BTBD8: variants seen among roughly 807,000 people sequenced by gnomAD.
BTBD8 encodes BTB/POZ domain-containing protein 8.
A neutral mutation model predicts 162.9 loss-of-function variants in BTBD8; 110 were observed. The ratio of observed to expected loss-of-function variants is 0.68; its 90% CI spans 0.58 to 0.79. The LOEUF (loss-of-function observed/expected upper bound fraction) is 0.79. BTBD8 is among the 30% of genes least tolerant of loss of function. BTBD8 has a pLI of 0.00. For missense variants in BTBD8, 1,905 were observed against 2,085.4 expected (o/e 0.91, Z 1.68); for synonymous variants, 667 against 716.1 (o/e 0.93, Z 1.10).
chr1:92,167,820 CTTAAATATTAA>C lies in BTBD8; in HGVS notation c.1306-25_1306-15del. On this transcript the variant is annotated splice_polypyrimidine_tract_variant and intron_variant, in intron 10 of 17. Transcript: ENST00000636805. ...TCTTGTGCATTTTATATGTATTCCT[CTTAAATATTAA>C]TTTCTGTGTTTTATAGTCACAAGCA... 2 of 1,532,722 alleles carry C rather than the reference CTTAAATATTAA, an allele frequency of 1.3e-6. No individual in the cohort carries two copies. Among genetic ancestry groups the C allele is most frequent in the South Asian group, 2.4e-5 (2 of 82,102 alleles). The allele number at this position is 1,532,722 out of a possible 1,614,324, so 94.9% of individuals were successfully genotyped here.
chr1:92,121,267 G>C (rs774726476), intron 4 of BTBD8, among the ~76,000 whole-genome samples: 34 of 151,916 alleles, frequency 2.2e-4, no homozygotes, highest in Non-Finnish European at 3.7e-4. Context: ...ATTCTATTTC[G>C]TGCTGAATTC....
At position 92,080,500 on chromosome 1, in the gene BTBD8, C is replaced by T; in HGVS notation, c.-72C>T. 1.9e-6 allele frequency: 3 copies of T among 1,578,126 alleles called. No individual in the cohort carries two copies. The highest frequency in any genetic ancestry group is 2.6e-6 in the Non-Finnish European group (3 of 1,168,034). ...GAGCCGAGCGTTCGGTCGGAAACGC[C>T]CCCTTCTTCCTCCTGGGCGGGGCAA... On this transcript the variant is annotated 5_prime_UTR_variant, in exon 1 of 18. Transcript: ENST00000636805.
chr1:92,108,612 G>A (rs1324867512), intron 4 of BTBD8, among the ~76,000 whole-genome samples: 3 of 152,282 alleles, frequency 2.0e-5, no homozygotes, highest in African/African-American at 4.8e-5. Context: ...AATTAAAGCC[G>A]GTTGCCTGTT....
At chr1:92,170,687 C>A (rs1348214152) in intron 12 of BTBD8, among the ~76,000 whole-genome samples, 1 of 151,980 alleles carries the variant, frequency 6.6e-6, no homozygotes, top group Non-Finnish European at 1.5e-5. Context: ...ATCCCAGTAA[C>A]CTTCAAAAGA....
In BTBD8 at chr1:92,095,974, C is replaced by CTT. The variant is rs535512186; in HGVS notation, c.348-6487_348-6486dup. Among the ~76,000 whole-genome samples the CTT allele has an allele frequency of 2.2e-3, 328 of 146,826 alleles. 1 individual carries two copies. The highest frequency in any genetic ancestry group is 6.9e-3 in the African/African-American group (279 of 40,174). ...GGTCCTGGTAGAGTTAATCTTACTA[C>CTT]TTTTTTTTTTTTTCTGAGACAGAGG... On this transcript the variant is annotated intron_variant, in intron 2 of 17. Transcript: ENST00000636805.
In BTBD8 at chr1:92,129,710, G is replaced by A; in HGVS notation, c.686G>A (p.Ser229Asn). ...AGGGCCATTTTGAGTGCCAGATCTA[G>A]TTATTTTGCTGCAATGCTGAGTGGC... is the stretch of plus-strand genomic sequence containing the variant. Reference protein sequence around the residue: ...AHRAILSARSSYFAAMLSGCW... With the variant: ...AHRAILSARSNYFAAMLSGCW... Residue 229 changes from serine to asparagine, a missense_variant, in exon 5 of 18, where the codon AGT becomes AAT. Coordinates refer to ENST00000636805, the MANE Select transcript of BTBD8 (RefSeq NM_001376131.1). 1 of 1,614,060 alleles carries A rather than the reference G, an allele frequency of 6.2e-7. No homozygotes were observed. Among genetic ancestry groups the A allele is most frequent in the Non-Finnish European group, 8.5e-7 (1 of 1,179,998 alleles).
chr1:92,148,247 T>G (rs1456291641), intron 9 of BTBD8, among the ~76,000 whole-genome samples: 1 of 152,218 alleles, frequency 6.6e-6, no homozygotes, highest in African/African-American at 2.4e-5. Flanking sequence ...CTCTGGATAG[T>G]GATTTGCCTC....
At chr1:92,102,819 A>G in intron 3 of BTBD8, 150 bp downstream of exon 3, 1 of 624,254 alleles carries the variant, frequency 1.6e-6, no homozygotes, top group Non-Finnish European at 2.4e-6. Flanking sequence ...GTTAACTCCC[A>G]GTTTTTCCCA....
chr1:92,141,900 A>G (rs1649781976), intron 7 of BTBD8, among the ~76,000 whole-genome samples: 1 of 152,194 alleles, frequency 6.6e-6, no homozygotes, highest in Admixed American at 6.5e-5. Context: ...TTTTTACATC[A>G]TATTTCTCTC....
intron 9 of BTBD8, among the ~76,000 whole-genome samples, chr1:92,163,337 AG>A (rs1238823144): frequency 2.5e-4 from 5 of 19,962 alleles, no homozygotes; most frequent in African/African-American, 7.9e-4. Context: ...CCTGGGCAAC[AG>A]AGAGAGATTC....
In BTBD8 at chr1:92,165,505, T is replaced by TAA. The variant is rs772757478; in HGVS notation, c.1123-1440_1123-1439dup. On this transcript the variant is annotated intron_variant, in intron 9 of 17. Transcript: ENST00000636805. ...AGGGAAGATGTAGTGCTTCTGGACC[T>TAA]AAAAAAAAAAAAAACAGAGGCTGTG... Among the ~76,000 whole-genome samples the TAA allele has an allele frequency of 2.3e-3, 318 of 139,604 alleles. 2 individuals are homozygous for TAA. The highest frequency in any genetic ancestry group is 7.0e-3 in the African/African-American group (272 of 38,640). 91.6% of individuals were successfully genotyped at this position (139,604 alleles called of 152,430 possible).
intron 7 of BTBD8, among the ~76,000 whole-genome samples, chr1:92,144,644 C>T (rs1649864982): frequency 6.6e-6 from 1 of 151,546 alleles, no homozygotes; most frequent in Non-Finnish European, 1.5e-5. Flanking sequence ...CCTGTCTCTA[C>T]AAAAAATTTA....
chr1:92,184,080 C>T lies in BTBD8; in HGVS notation c.5129C>T (p.Ser1710Leu). 1 of 1,551,642 alleles carries T rather than the reference C, an allele frequency of 6.4e-7. No homozygotes were observed. Among genetic ancestry groups the T allele is most frequent in the Non-Finnish European group, 8.7e-7 (1 of 1,146,878 alleles). ...LLKQLLSEQD[S>L]NLDVTNSVPE... ...AAGCAACTGCTCTCTGAACAGGATT[C>T]AAACTTAGATGTTACAAATTCCGTT... is the stretch of plus-strand genomic sequence containing the variant. Residue 1710 changes from serine to leucine, a missense_variant, in exon 18 of 18, where the codon TCA becomes TTA. Physicochemically the swap from Ser to Leu is moderately radical, Grantham distance 145. Transcript: ENST00000636805.
At chr1:92,126,349 A>T (rs1649359567) in intron 4 of BTBD8, 1 of 613,148 alleles carries the variant, frequency 1.6e-6, no homozygotes, top group Non-Finnish European at 3.1e-6. Context: ...GTGGTTGTAC[A>T]TGGCCCCTTG....
Position 92,129,722 on chromosome 1 carries a change from C to T in BTBD8, c.698C>T (p.Ala233Val), listed in dbSNP as rs558715717. The T allele has an allele frequency of 6.2e-7, 1 of 1,614,092 alleles. No homozygotes were observed. The highest frequency in any genetic ancestry group is 1.1e-5 in the South Asian group (1 of 91,076). The change falls in exon 5 of 18, where the codon GCA (alanine) becomes GTA (valine). Residue 233 changes from alanine (A) to valine (V), a missense_variant. Ala to Val is a moderately conservative substitution (Grantham distance 64). This residue lies in a region of BTBD8 where 1,374 missense variants were observed against 1,442.7 expected (regional missense o/e 0.95). Coordinates refer to ENST00000636805, the MANE Select transcript of BTBD8 (RefSeq NM_001376131.1). ...ILSARSSYFAAMLSGCWAESS... is the reference protein window; with the variant it reads ...ILSARSSYFAVMLSGCWAESS... ...AGTGCCAGATCTAGTTATTTTGCTG[C>T]AATGCTGAGTGGCTGTTGGGCTGAA...
In BTBD8 at chr1:92,180,611, TAAC is replaced by T. The variant is rs764350466; in HGVS notation, c.2934_2936del (p.Asn978del). 147 of 1,551,072 alleles carry T rather than the reference TAAC, an allele frequency of 9.5e-5. 1 individual carries two copies. In the South Asian group the frequency reaches 1.0e-3, roughly 11 times the overall value. On this transcript the variant is annotated inframe_deletion, in exon 17 of 18. Coordinates refer to ENST00000636805, the MANE Select transcript of BTBD8 (RefSeq NM_001376131.1). ...GTATGTTTCATGATGTGCGTGATAA[TAAC>T]AACAAGGACAGTGTTTCTGAACAGA...
At chr1:92,086,727 C>T (rs78239274) in intron 1 of BTBD8, among the ~76,000 whole-genome samples, 6,606 of 152,120 alleles carry the variant, frequency 0.043, 486 homozygotes, top group African/African-American at 0.15. Context: ...CTCATGGGTG[C>T]GAGTGGTAGT....
intron 2 of BTBD8, among the ~76,000 whole-genome samples, chr1:92,099,058 G>T (rs1314548919): frequency 6.6e-6 from 1 of 152,094 alleles, no homozygotes; most frequent in Non-Finnish European, 1.5e-5. Flanking sequence ...ATCTATTCTG[G>T]TGAATTTTTG....
intron 4 of BTBD8, chr1:92,125,469 G>A (rs1486805548): frequency 6.2e-6 from 2 of 323,788 alleles, no homozygotes; most frequent in Non-Finnish European, 1.2e-5. Flanking sequence ...CACTTTGAGA[G>A]GCTGGAGAAG....
Sources: gnomAD v4.1 joint callset for allele counts (sites outside exome capture counted in the v4.1 genomes callset) on GRCh38, gnomAD v4.1.1 for gene constraint, gnomAD v4.1.1 regional missense constraint, MANE v1.5 for transcripts, NCBI Gene and HGNC (gene_info 2026-07-23, HGNC 2026-07-21) for gene names.